The following NAV3 variants were observed in gnomAD, a reference collection of about 807,000 sequenced individuals.
NAV3 encodes the protein pore membrane and/or filament interacting like protein 1.
A neutral mutation model predicts 244.7 loss-of-function variants in NAV3; 87 were observed. That is an observed-to-expected ratio of 0.36 (90% CI 0.30 to 0.42). NAV3 has a LOEUF of 0.42. Ranked by LOEUF, NAV3 falls within the 20% of genes least tolerant of loss-of-function variation. The probability of loss-of-function intolerance (pLI) is 1.00; values close to 1 mark genes in which losing one functional copy is unlikely to be tolerated. For missense variants in NAV3, 2,663 were observed against 2,893.3 expected, an observed-to-expected ratio of 0.92 and a Z score of 1.83; for synonymous variants, 1,126 against 1,042.2, an observed-to-expected ratio of 1.08 and a Z score of -1.55.
At chr12:77,684,165 A>G (rs1592578981) in intron 2 of NAV3, among the ~76,000 whole-genome samples, 1 of 152,250 alleles carries the variant, frequency 6.6e-6, no homozygotes, top group Middle Eastern at 3.4e-3. Flanking sequence ...TTGTGGATTT[A>G]ATCTGCATTT....
At chr12:77,883,367 C>G (rs576797837) in intron 1 of NAV3, among the ~76,000 whole-genome samples, 11 of 152,068 alleles carry the variant, frequency 7.2e-5, no homozygotes, top group African/African-American at 1.7e-4. Flanking sequence ...CGCATGTTCT[C>G]TCTAACTGAG....
intron 12 of NAV3, among the ~76,000 whole-genome samples, chr12:78,061,641 A>G (rs913071533): frequency 6.6e-6 from 1 of 152,128 alleles, no homozygotes; most frequent in East Asian, 1.9e-4. Context: ...CTCGGGATGT[A>G]TATCATTTTA....
intron 1 of NAV3, among the ~76,000 whole-genome samples, chr12:77,849,998 T>C (rs1877262637): frequency 6.6e-6 from 1 of 152,190 alleles, no homozygotes; most frequent in South Asian, 2.1e-4. Flanking sequence ...TTTTAAAAAG[T>C]GGCTATAAAA....
At chr12:77,847,167 TAGG>T (rs1338284351) in intron 1 of NAV3, among the ~76,000 whole-genome samples, 1 of 152,124 alleles carries the variant, frequency 6.6e-6, no homozygotes, top group African/African-American at 2.4e-5. Flanking sequence ...ACTTTAACAA[TAGG>T]CCATTGACAG....
At chr12:77,826,454 T>C (rs1873015366), upstream of NAV3, among the ~76,000 whole-genome samples, 1 of 152,110 alleles carries the variant, frequency 6.6e-6, no homozygotes, top group African/African-American at 2.4e-5. Context: ...ATCACACCAC[T>C]GCACTCCAGC....
At chr12:77,836,327 G>T (rs1228058055) in intron 1 of NAV3, among the ~76,000 whole-genome samples, 1 of 152,006 alleles carries the variant, frequency 6.6e-6, no homozygotes, top group Non-Finnish European at 1.5e-5. Context: ...CTTCCAACTT[G>T]GTCTGCCACC....
chr12:77,871,987 G>T (rs1881038534), intron 1 of NAV3, among the ~76,000 whole-genome samples: 1 of 152,094 alleles, frequency 6.6e-6, no homozygotes. Context: ...ATTCTAACTG[G>T]CATGAGATGG....
At chr12:77,885,246 TGTCACAGA>T (rs1319118920) in intron 1 of NAV3, among the ~76,000 whole-genome samples, 7 of 152,124 alleles carry the variant, frequency 4.6e-5, no homozygotes, top group Non-Finnish European at 8.8e-5. Flanking sequence ...TCTCTATTTA[TGTCACAGA>T]GTCACAGAGA....
chr12:77,894,284 CA>C (rs1342416856), intron 1 of NAV3, among the ~76,000 whole-genome samples: 1 of 151,990 alleles, frequency 6.6e-6, no homozygotes, highest in African/African-American at 2.4e-5. Flanking sequence ...AATAAGATTA[CA>C]AATAAAGTTT....
At chr12:77,857,052 T>C (rs1464159367) in intron 1 of NAV3, among the ~76,000 whole-genome samples, 1 of 152,150 alleles carries the variant, frequency 6.6e-6, no homozygotes. Flanking sequence ...ATCTAAAAAA[T>C]GAGACGCTAG....
At chr12:77,635,346 C>T (rs1056772795) in intron 2 of NAV3, among the ~76,000 whole-genome samples, 3 of 152,148 alleles carry the variant, frequency 2.0e-5, no homozygotes, top group Non-Finnish European at 2.9e-5. Flanking sequence ...AAACATGTGC[C>T]ACAGTACCCA....
chr12:78,093,161 C>G (rs944178273), intron 12 of NAV3, among the ~76,000 whole-genome samples: 1 of 152,154 alleles, frequency 6.6e-6, no homozygotes, highest in Non-Finnish European at 1.5e-5. Flanking sequence ...TTAACATTTT[C>G]AAGTTTCTGT....
intron 1 of NAV3, among the ~76,000 whole-genome samples, chr12:77,857,943 A>G (rs1295741683): frequency 1.3e-5 from 2 of 152,076 alleles, no homozygotes; most frequent in African/African-American, 2.4e-5. Flanking sequence ...AAGGGCACAC[A>G]TTACATGGAT....
intron 2 of NAV3, among the ~76,000 whole-genome samples, chr12:77,663,692 T>G (rs1314527856): frequency 1.3e-5 from 2 of 152,166 alleles, no homozygotes; most frequent in African/African-American, 2.4e-5. Context: ...CAGCTAATTT[T>G]GTATTTTTAG....
intron 12 of NAV3, among the ~76,000 whole-genome samples, chr12:78,070,921 A>G (rs1952729316): frequency 6.8e-6 from 1 of 146,496 alleles, no homozygotes; most frequent in African/African-American, 2.5e-5. Flanking sequence ...CATGGTGTAT[A>G]TGTGCCACAT....
chr12:77,819,170 A>G (rs773809931), intron 2 of NAV3, among the ~76,000 whole-genome samples: 3 of 152,076 alleles, frequency 2.0e-5, no homozygotes, highest in Non-Finnish European at 2.9e-5. Flanking sequence ...GAAATTAGGA[A>G]GAAGAGGACT....
intron 8 of NAV3, among the ~76,000 whole-genome samples, chr12:78,019,965 G>A (rs996475119): frequency 6.6e-6 from 1 of 152,186 alleles, no homozygotes; most frequent in Non-Finnish European, 1.5e-5. Context: ...TGGGAATTCA[G>A]AGTAAAGTGC....
chr12:77,830,860 T>G (rs1172408417), upstream of NAV3: 1 of 152,188 alleles, frequency 6.6e-6, no homozygotes, highest in Admixed American at 6.5e-5. Context: ...AAATACAATT[T>G]TCTTTAAAAA....
chr12:78,161,510 A>G (rs560427230), intron 23 of NAV3, among the ~76,000 whole-genome samples: 30 of 152,224 alleles, frequency 2.0e-4, no homozygotes, highest in Non-Finnish European at 3.1e-4. Flanking sequence ...ATTTTCTCAT[A>G]TACATATAGA....
Sources: gnomAD v4.1 joint callset for allele counts (sites outside exome capture counted in the v4.1 genomes callset) on GRCh38, gnomAD v4.1.1 for gene constraint, MANE v1.5 for transcripts, NCBI Gene and HGNC (gene_info 2026-07-23, HGNC 2026-07-21) for gene names.